Variants in L2HGDH observed in about 807,000 individuals in gnomAD.
The protein encoded by L2HGDH is L-2-hydroxyglutarate dehydrogenase.
Under a neutral mutation model 51.5 loss-of-function variants are expected in L2HGDH, and 34 were observed. The ratio of observed to expected loss-of-function variants is 0.66; its 90% CI spans 0.50 to 0.88. L2HGDH has a LOEUF of 0.88. Among genes scored for constraint, L2HGDH ranks in the 40% least tolerant of loss-of-function variants. The pLI is 0.00. For missense variants in L2HGDH, 558 were observed against 571.9 expected, an observed-to-expected ratio of 0.98 and a Z score of 0.25; for synonymous variants, 198 against 197.9, an observed-to-expected ratio of 1.00 and a Z score of -0.01.
rs1437820424 is a variant in L2HGDH at position 50,283,870 on chromosome 14, C to T, written c.703+1G>A. On this transcript the variant is annotated splice_donor_variant, in intron 5 of 9. Coordinates refer to ENST00000267436, the MANE Select transcript of L2HGDH (RefSeq NM_024884.3). LOFTEE classifies it high-confidence loss of function. ...CAATAGAAAAGACAAGGATGGCTTA[C>T]CATCTATACTTCTTGAAGGACTTTC... 2 of 1,613,572 alleles carry T rather than the reference C, an allele frequency of 1.2e-6. No homozygotes were observed. Among genetic ancestry groups the T allele is most frequent in the Non-Finnish European group, 1.7e-6 (2 of 1,179,598 alleles).
rs989952522 is a variant in L2HGDH at position 50,243,661 on chromosome 14, TTTTATA to T, written c.*3391_*3396del. 73 of 120,322 alleles carry T rather than the reference TTTTATA, an allele frequency of 6.1e-4. No individual in the cohort carries two copies. The highest frequency in any genetic ancestry group is 7.2e-4 in the Non-Finnish European group (69 of 95,548). 7.5% of individuals were successfully genotyped at this position (120,322 alleles called of 1,614,324 possible). ...TTTTTCATTTTTATTTTTCAGGGTA[TTTTATA>T]TATATATATATATATATATTGTTTA... On this transcript the variant is annotated 3_prime_UTR_variant, in exon 10 of 10. Transcript: ENST00000267436.
At chr14:50,281,085 T>G (rs1190561025) in intron 5 of L2HGDH, among the ~76,000 whole-genome samples, 2 of 152,138 alleles carry the variant, frequency 1.3e-5, no homozygotes, top group African/African-American at 2.4e-5. Flanking sequence ...TCAAAGTACT[T>G]GTGCAAATTT....
At chr14:50,279,077 A>C (rs1408088717) in intron 5 of L2HGDH, among the ~76,000 whole-genome samples, 1 of 152,234 alleles carries the variant, frequency 6.6e-6, no homozygotes, top group Non-Finnish European at 1.5e-5. Flanking sequence ...TATAAAGCGT[A>C]TGTAGAGCAG....
intron 3 of L2HGDH, among the ~76,000 whole-genome samples, chr14:50,298,577 GT>G (rs2030218094): frequency 6.6e-6 from 1 of 152,142 alleles, no homozygotes; most frequent in Non-Finnish European, 1.5e-5. Context: ...GCCTCCCAAA[GT>G]GCTGGGATTA....
At position 50,310,916 on chromosome 14, in the gene L2HGDH, T is replaced by G. The variant is rs150255722; in HGVS notation, c.140+1095A>C. ...ACATCAACATTTAATTATTAGCCTC[T>G]TCTTTTTTTCTTTTCTTTTCTTTTT... On this transcript the variant is annotated intron_variant, in intron 1 of 9. Coordinates refer to ENST00000267436, the MANE Select transcript of L2HGDH (RefSeq NM_024884.3). 5.0e-3 allele frequency among the ~76,000 whole-genome samples: 753 copies of G among 149,824 alleles called. 38 individuals are homozygous for G. The highest frequency in any genetic ancestry group is 0.045 in the Admixed American group (661 of 14,836).
chr14:50,272,993 G>T (rs1004569387), intron 6 of L2HGDH, among the ~76,000 whole-genome samples: 1 of 152,132 alleles, frequency 6.6e-6, no homozygotes, highest in African/African-American at 2.4e-5. Flanking sequence ...AAGGACTGTG[G>T]TGCAGAAAAT....
chr14:50,258,620 C>G (rs1888813278), intron 9 of L2HGDH, among the ~76,000 whole-genome samples: 1 of 151,944 alleles, frequency 6.6e-6, no homozygotes, highest in Admixed American at 6.6e-5. Flanking sequence ...CTCAAGCAAT[C>G]CTCCTGCCTC....
chr14:50,243,685 A>ATATAAT lies in L2HGDH; in HGVS notation c.*3372_*3373insATTATA, dbSNP rs1887886326. The ATATAAT allele has an allele frequency of 5.2e-6, 1 of 193,366 alleles. No homozygotes were observed. Among genetic ancestry groups the ATATAAT allele is most frequent in the African/African-American group, 2.7e-5 (1 of 37,172 alleles). 12.0% of individuals were successfully genotyped at this position (193,366 alleles called of 1,614,324 possible). A position where few individuals can be genotyped will look rare whatever the true frequency, so the allele number is the denominator to read the frequency against. ...ATTTTATATATATATATATATATAT[A>ATATAAT]TTGTTTATTATTATACTTTAAGTTT... On this transcript the variant is annotated 3_prime_UTR_variant, in exon 10 of 10. Coordinates refer to ENST00000267436, the MANE Select transcript of L2HGDH (RefSeq NM_024884.3).
chr14:50,271,287 A>G lies in L2HGDH; in HGVS notation c.739-1957T>C, dbSNP rs186086383. On this transcript the variant is annotated intron_variant, in intron 6 of 9. Transcript: ENST00000267436. ...GATTGGCAGTTCTTTCGTTCTTGGAACAAAAAAAATGCAGATAAGTCCTAT... is the reference window on the plus strand; with the variant it reads ...GATTGGCAGTTCTTTCGTTCTTGGAGCAAAAAAAATGCAGATAAGTCCTAT... Among the ~76,000 whole-genome samples the G allele has an allele frequency of 2.6e-5, 4 of 152,346 alleles. No individual in the cohort carries two copies. In the East Asian group the frequency reaches 7.7e-4, roughly 29 times the overall value.
intron 6 of L2HGDH, 138 bp from the exon 7 acceptor site, chr14:50,269,468 G>A: frequency 1.3e-6 from 1 of 753,340 alleles, no homozygotes. Flanking sequence ...ACAGGTATCA[G>A]CAAAATATGT....
chr14:50,265,211 A>G (rs1465009208), intron 9 of L2HGDH, 147 bp downstream of exon 9: 2 of 669,386 alleles, frequency 3.0e-6, no homozygotes, highest in Admixed American at 4.8e-5. Flanking sequence ...AGGGAATTCA[A>G]CAACATGTTG....
At chr14:50,260,746 C>A (rs1888968750) in intron 9 of L2HGDH, among the ~76,000 whole-genome samples, 1 of 152,180 alleles carries the variant, frequency 6.6e-6, no homozygotes, top group Non-Finnish European at 1.5e-5. Context: ...TTGCCCCCTA[C>A]AGGACATCTG....
chr14:50,263,918 G>A (rs1337627463), intron 9 of L2HGDH, among the ~76,000 whole-genome samples: 1 of 151,284 alleles, frequency 6.6e-6, no homozygotes, highest in Non-Finnish European at 1.5e-5. Flanking sequence ...TGGGATTACA[G>A]GCATGTGCCA....
Position 50,243,570 on chromosome 14 carries a change from T to C in L2HGDH, c.*3488A>G. On this transcript the variant is annotated 3_prime_UTR_variant, in exon 10 of 10. Coordinates refer to ENST00000267436, the MANE Select transcript of L2HGDH (RefSeq NM_024884.3). Reference sequence around the variant, plus strand: ...ATATCAGTATTAAACAAAAAAACCCTATTGACATACATATAAAACGTTTTA... The same window carrying C: ...ATATCAGTATTAAACAAAAAAACCCCATTGACATACATATAAAACGTTTTA... 1.3e-6 allele frequency: 1 copy of C among 789,428 alleles called. No individual in the cohort carries two copies. The highest frequency in any genetic ancestry group is 1.5e-6 in the Non-Finnish European group (1 of 651,750). The allele number at this position is 789,428 out of a possible 1,614,324, so 48.9% of individuals were successfully genotyped here. A position where few individuals can be genotyped will look rare whatever the true frequency, so the allele number is the denominator to read the frequency against.
rs571536154 is a variant in L2HGDH, at chr14:50,305,851, AC to A, written c.141-2835del. Among the ~76,000 whole-genome samples, 263 of 152,340 alleles carry A rather than the reference AC, an allele frequency of 1.7e-3. 2 individuals carry two copies. The highest frequency in any genetic ancestry group is 4.9e-3 in the African/African-American group (204 of 41,572). On this transcript the variant is annotated intron_variant, in intron 1 of 9. Coordinates refer to ENST00000267436, the MANE Select transcript of L2HGDH (RefSeq NM_024884.3). ...GGCACAGTATTTGCATATAATCTACACACATCCTCCAATATACCTTAAGTCA... is the reference window on the plus strand; with the variant it reads ...GGCACAGTATTTGCATATAATCTACAACATCCTCCAATATACCTTAAGTCA...
chr14:50,307,888 A>T (rs1291074452), intron 1 of L2HGDH, among the ~76,000 whole-genome samples: 1 of 152,256 alleles, frequency 6.6e-6, no homozygotes, highest in East Asian at 1.9e-4. Context: ...AAAATAGGAC[A>T]AAATCTTGGG....
intron 4 of L2HGDH, among the ~76,000 whole-genome samples, chr14:50,288,977 A>G (rs1044364067): frequency 2.6e-5 from 4 of 152,188 alleles, no homozygotes; most frequent in Non-Finnish European, 5.9e-5. Context: ...AATGCACTGT[A>G]TAGATAAGAA....
At chr14:50,286,845 C>T (rs17122352) in intron 4 of L2HGDH, among the ~76,000 whole-genome samples, 5,289 of 152,230 alleles carry the variant, frequency 0.035, 299 homozygotes, top group African/African-American at 0.12. Flanking sequence ...ATTCCCTTAA[C>T]ATTGGTATAA....
At chr14:50,279,016 T>C (rs1890117378) in intron 5 of L2HGDH, among the ~76,000 whole-genome samples, 1 of 152,208 alleles carries the variant, frequency 6.6e-6, no homozygotes, top group South Asian at 2.1e-4. Context: ...AATAAAAAAT[T>C]GACCATTTTT....
Sources: gnomAD v4.1 joint callset for allele counts (sites outside exome capture counted in the v4.1 genomes callset) on GRCh38, gnomAD v4.1.1 for gene constraint, MANE v1.5 for transcripts, NCBI Gene and HGNC (gene_info 2026-07-23, HGNC 2026-07-21) for gene names.